The following HDAC4 variants were observed in gnomAD, a reference collection of about 807,000 sequenced individuals.
The protein encoded by HDAC4 is histone deacetylase 4.
HDAC4 carries 16 observed loss-of-function variants against 135.1 expected under a neutral mutation model. The observed-to-expected ratio is 0.12, with a 90% CI of 0.08 to 0.18. HDAC4 has a LOEUF of 0.18. Ranked by LOEUF, HDAC4 falls within the 10% of genes least tolerant of loss-of-function variation. The pLI is 1.00. For synonymous variants in HDAC4, 685 were observed against 653.4 expected, an observed-to-expected ratio of 1.05 and a Z score of -0.74; for missense variants, 1,143 against 1,511.8, an observed-to-expected ratio of 0.76 and a Z score of 4.05.
At chr2:239,384,629 A>G (rs1448415722) in intron 1 of HDAC4, among the ~76,000 whole-genome samples, 1 of 152,054 alleles carries the variant, frequency 6.6e-6, no homozygotes, top group African/African-American at 2.4e-5. Flanking sequence ...AAAAAGGCAA[A>G]GGAAACGGAA....
intron 19 of HDAC4, among the ~76,000 whole-genome samples, chr2:239,086,727 C>G (rs1553610255): frequency 3.9e-5 from 6 of 152,242 alleles, no homozygotes; most frequent in Non-Finnish European, 8.8e-5. Context: ...GAACTTGTAT[C>G]TGCACTTGTT....
intron 11 of HDAC4, among the ~76,000 whole-genome samples, chr2:239,132,325 G>A (rs1297227095): frequency 6.6e-6 from 1 of 152,230 alleles, no homozygotes; most frequent in African/African-American, 2.4e-5. Flanking sequence ...CTGTGTGGCT[G>A]CACTACGCTG....
rs1007319239 is a variant in HDAC4, at chr2:239,134,301, A to G, written c.1238T>C (p.Leu413Pro). 2 of 1,613,558 alleles carry G rather than the reference A, an allele frequency of 1.2e-6. No individual in the cohort carries two copies. The highest frequency in any genetic ancestry group is 1.7e-6 in the Non-Finnish European group (2 of 1,180,034). The change falls in exon 11 of 27, where the codon CTT (leucine) becomes CCT (proline). Residue 413 changes from leucine (L) to proline (P), a missense_variant. Physicochemically the swap from Leu to Pro is moderately conservative, Grantham distance 98. Coordinates refer to ENST00000543185, the MANE Select transcript of HDAC4 (RefSeq NM_001378414.1). ...CTCCAGTAAGACCATGTGCTGCAGA[A>G]GAGGGCTGTGCGCTGCCCCTCCGTC... Reference protein sequence around the residue: ...ERDGGAAHSPLLQHMVLLEQP... With the variant: ...ERDGGAAHSPPLQHMVLLEQP...
Position 239,267,487 on chromosome 2 carries a change from G to A in HDAC4, c.23-30823C>T, listed in dbSNP as rs1187494611. Reference sequence around the variant, plus strand: ...AAGGACTCCCCAAACCCTTGAGGACGTGCTGAAGGCAGCAAAAATCTACAA... The same window carrying A: ...AAGGACTCCCCAAACCCTTGAGGACATGCTGAAGGCAGCAAAAATCTACAA... On this transcript the variant is annotated intron_variant, in intron 2 of 26. Transcript: ENST00000543185. Among the ~76,000 whole-genome samples, 5 of 152,242 alleles carry A rather than the reference G, an allele frequency of 3.3e-5. No individual in the cohort carries two copies. In the South Asian group the frequency reaches 6.2e-4, roughly 19 times the overall value.
At chr2:239,104,831 A>G (rs1248775926) in intron 15 of HDAC4, among the ~76,000 whole-genome samples, 1 of 152,266 alleles carries the variant, frequency 6.6e-6, no homozygotes, top group African/African-American at 2.4e-5. Flanking sequence ...GAAATTCACA[A>G]ATTAAAGTTG....
In HDAC4 at chr2:239,115,095, C is replaced by G; in HGVS notation, c.1749G>C (p.Pro583=). 1.2e-6 allele frequency: 2 copies of G among 1,611,594 alleles called. No individual in the cohort carries two copies. The highest frequency in any genetic ancestry group is 1.7e-6 in the Non-Finnish European group (2 of 1,179,940). ...CCTGCTCACTGGGCTGGCGCTGGCC[C>G]GGCTCCACCTCCCGTGGGGGCTCTG... is the stretch of plus-strand genomic sequence containing the variant. ...EEAEPPREVE[P]GQRQPSEQEL... Residue 583 remains proline, a synonymous_variant, in exon 13 of 27, where the codon CCG becomes CCC. Coordinates refer to ENST00000543185, the MANE Select transcript of HDAC4 (RefSeq NM_001378414.1). This position sits in a 1 kb window ranked among gnomAD's most constrained non-coding sequence, Gnocchi z 6.3.
At chr2:239,196,900 C>T (rs999216533) in intron 3 of HDAC4, among the ~76,000 whole-genome samples, 4 of 152,162 alleles carry the variant, frequency 2.6e-5, no homozygotes, top group East Asian at 1.9e-4. Context: ...GTTTAGGCAG[C>T]GAGGCAGGCA....
intron 16 of HDAC4, among the ~76,000 whole-genome samples, chr2:239,101,454 G>A (rs375781224): frequency 1.3e-5 from 2 of 152,298 alleles, no homozygotes; most frequent in Admixed American, 6.5e-5. Flanking sequence ...GGCCTGGCAC[G>A]GAGGACACCT....
chr2:239,126,608 G>A lies in HDAC4; in HGVS notation c.1381C>T (p.Leu461=), dbSNP rs776710804. Residue 461 remains leucine (L), a synonymous_variant, in exon 12 of 27, where the codon CTG becomes TTG. Transcript: ENST00000543185. The part of the protein sequence containing the change: ...ADRVSPSIHK[L]RQHRPLGRTQ... Reference sequence around the variant, plus strand: ...CGCCCCAGTGGGCGGTGCTGCCGCAGCTTGTGGATGGAGGGGGACACCCGG... The same window carrying A: ...CGCCCCAGTGGGCGGTGCTGCCGCAACTTGTGGATGGAGGGGGACACCCGG... 10 of 1,613,998 alleles carry A rather than the reference G, an allele frequency of 6.2e-6. No homozygotes were observed. In the South Asian group the frequency reaches 1.1e-4, roughly 18 times the overall value.
chr2:239,384,654 G>A (rs990475317), intron 1 of HDAC4, among the ~76,000 whole-genome samples: 2 of 152,006 alleles, frequency 1.3e-5, no homozygotes, highest in Non-Finnish European at 2.9e-5. Flanking sequence ...AGAAAGAGAA[G>A]GGAAAACTGC....
intron 15 of HDAC4, among the ~76,000 whole-genome samples, chr2:239,106,263 T>C (rs72998110): frequency 6.6e-6 from 1 of 152,256 alleles, no homozygotes; most frequent in Non-Finnish European, 1.5e-5. Flanking sequence ...CTCCCTTGCT[T>C]GCATTTGCTT....
At chr2:239,267,774 C>T (rs769557708) in intron 2 of HDAC4, among the ~76,000 whole-genome samples, 37 of 152,266 alleles carry the variant, frequency 2.4e-4, no homozygotes, top group Admixed American at 3.3e-4. Context: ...TGCATCCCCT[C>T]GCAGGCTTCT....
intron 2 of HDAC4, among the ~76,000 whole-genome samples, chr2:239,265,397 C>T (rs1371147725): frequency 6.6e-6 from 1 of 152,252 alleles, no homozygotes; most frequent in East Asian, 1.9e-4. Context: ...TAAATCACTC[C>T]TCCAGAGAAG....
chr2:239,344,534 CA>C (rs201251277), intron 2 of HDAC4, among the ~76,000 whole-genome samples: 204 of 146,850 alleles, frequency 1.4e-3, no homozygotes, highest in African/African-American at 3.4e-3. Flanking sequence ...ATTTGAGGAT[CA>C]AAAAAAAAAG....
At chr2:239,397,084 G>C (rs757269290) in intron 1 of HDAC4, among the ~76,000 whole-genome samples, 4 of 152,224 alleles carry the variant, frequency 2.6e-5, no homozygotes, top group African/African-American at 4.8e-5. Context: ...CACAGCACTA[G>C]AAAGTCTAAC....
At chr2:239,198,775 T>C (rs1250965596) in intron 3 of HDAC4, among the ~76,000 whole-genome samples, 1 of 152,212 alleles carries the variant, frequency 6.6e-6, no homozygotes, top group South Asian at 2.1e-4. Flanking sequence ...CTCTGGAATA[T>C]ATATTTTTAT....
intron 3 of HDAC4, among the ~76,000 whole-genome samples, chr2:239,205,973 T>C (rs10182187): frequency 0.14 from 21,593 of 152,154 alleles, 1,721 homozygotes; most frequent in African/African-American, 0.2. Flanking sequence ...AGCGGTCAGG[T>C]TGGGGCAGGA....
Position 239,290,869 on chromosome 2 carries a change from G to A in HDAC4, c.23-54205C>T, listed in dbSNP as rs562840310. ...GTCCATGTGAAAGGCAGCCTCCAGGGCTCCTATCAAGTGGGTGGCTTCGCT... is the reference window on the plus strand; with the variant it reads ...GTCCATGTGAAAGGCAGCCTCCAGGACTCCTATCAAGTGGGTGGCTTCGCT... On this transcript the variant is annotated intron_variant, in intron 2 of 26. Coordinates refer to ENST00000543185, the MANE Select transcript of HDAC4 (RefSeq NM_001378414.1). 4.8e-4 allele frequency among the ~76,000 whole-genome samples: 73 copies of A among 152,338 alleles called. No individual in the cohort carries two copies. In the South Asian group the frequency reaches 0.014, roughly 29 times the overall value.
intron 3 of HDAC4, among the ~76,000 whole-genome samples, chr2:239,212,109 T>G (rs1199073110): frequency 2.6e-5 from 4 of 152,196 alleles, no homozygotes; most frequent in Non-Finnish European, 5.9e-5. Flanking sequence ...CTCACTAAAA[T>G]TTTAATCTGT....
Sources: gnomAD v4.1 joint callset for allele counts (sites outside exome capture counted in the v4.1 genomes callset) on GRCh38, gnomAD v4.1.1 for gene constraint, Gnocchi (gnomAD v3.1) non-coding constraint, MANE v1.5 for transcripts, NCBI Gene and HGNC (gene_info 2026-07-23, HGNC 2026-07-21) for gene names.